Variants in PRKCA observed in about 807,000 individuals in gnomAD.
The protein encoded by PRKCA is protein kinase C alpha, also known as protein kinase C alpha type.
A neutral mutation model predicts 87.0 loss-of-function variants in PRKCA; 27 were observed. The observed-to-expected ratio is 0.31, with a 90% CI of 0.23 to 0.43. PRKCA has a LOEUF of 0.43. Ranked by LOEUF, PRKCA falls within the 20% of genes least tolerant of loss-of-function variation. The pLI is 1.00. For synonymous variants in PRKCA, 329 were observed against 311.1 expected, an observed-to-expected ratio of 1.06 and a Z score of -0.61; for missense variants, 518 against 852.3, an observed-to-expected ratio of 0.61 and a Z score of 4.88.
chr17:66,361,050 A>G (rs939186363), intron 2 of PRKCA, among the ~76,000 whole-genome samples: 1 of 151,908 alleles, frequency 6.6e-6, no homozygotes, highest in Non-Finnish European at 1.5e-5. Context: ...ATCTGTGACC[A>G]TATTGTTTTC....
chr17:66,353,156 T>C (rs745353347), intron 2 of PRKCA, among the ~76,000 whole-genome samples: 7 of 152,210 alleles, frequency 4.6e-5, no homozygotes, highest in Admixed American at 6.5e-5. Flanking sequence ...TAAAGTCCCC[T>C]GGTTAAAGGG....
intron 3 of PRKCA, among the ~76,000 whole-genome samples, chr17:66,609,316 G>A (rs961417327): frequency 3.9e-5 from 6 of 152,252 alleles, no homozygotes; most frequent in South Asian, 4.1e-4. Context: ...CTACTTTGCC[G>A]CTAGTTAGTG....
chr17:66,350,586 C>A (rs773936147), intron 2 of PRKCA, among the ~76,000 whole-genome samples: 2 of 151,882 alleles, frequency 1.3e-5, no homozygotes, highest in African/African-American at 4.8e-5. Flanking sequence ...GCAGTGGCAC[C>A]GTCGTGGCTC....
chr17:66,349,330 C>G (rs1230435910), intron 2 of PRKCA, among the ~76,000 whole-genome samples: 2 of 152,060 alleles, frequency 1.3e-5, no homozygotes, highest in East Asian at 3.9e-4. Flanking sequence ...GCTGTTCTCC[C>G]CTGAGGATGA....
intron 5 of PRKCA, among the ~76,000 whole-genome samples, chr17:66,645,791 G>A (rs1011236978): frequency 1.1e-4 from 17 of 152,060 alleles, no homozygotes; most frequent in African/African-American, 3.4e-4. Context: ...AGCATGGCCC[G>A]TGTACTCTCC....
intron 2 of PRKCA, among the ~76,000 whole-genome samples, chr17:66,369,762 A>C (rs549320107): frequency 5.3e-5 from 8 of 152,274 alleles, no homozygotes; most frequent in Non-Finnish European, 7.4e-5. Context: ...TCCATCCTCC[A>C]TCTGAGTTGG....
At chr17:66,794,705 C>T (rs1047179427) in intron 16 of PRKCA, among the ~76,000 whole-genome samples, 2 of 150,606 alleles carry the variant, frequency 1.3e-5, no homozygotes, top group East Asian at 3.9e-4. Flanking sequence ...ACTGCAACCT[C>T]CACCTCCCAG....
intron 3 of PRKCA, among the ~76,000 whole-genome samples, chr17:66,496,650 CT>C (rs1916490126): frequency 6.6e-6 from 1 of 151,530 alleles, no homozygotes; most frequent in African/African-American, 2.4e-5. Flanking sequence ...CTCCCCACCC[CT>C]CCCGTCCTCT....
chr17:66,800,629 C>A (rs981844061), intron 16 of PRKCA, among the ~76,000 whole-genome samples: 4 of 152,224 alleles, frequency 2.6e-5, no homozygotes, highest in Non-Finnish European at 4.4e-5. Context: ...AAAGCCATGG[C>A]TTTTGGAAAC....
At chr17:66,450,533 G>T (rs1434920570) in intron 2 of PRKCA, among the ~76,000 whole-genome samples, 1 of 152,182 alleles carries the variant, frequency 6.6e-6, no homozygotes, top group Non-Finnish European at 1.5e-5. Context: ...TGGGATGCAG[G>T]TGGAAAGAGA....
chr17:66,791,832 G>C (rs183847031), intron 16 of PRKCA, among the ~76,000 whole-genome samples: 3 of 152,194 alleles, frequency 2.0e-5, no homozygotes, highest in African/African-American at 7.2e-5. Context: ...GAGAACTAGC[G>C]GCGTAGAAAA....
chr17:66,547,255 C>T (rs1968170557), intron 3 of PRKCA, among the ~76,000 whole-genome samples: 2 of 152,180 alleles, frequency 1.3e-5, no homozygotes, highest in Non-Finnish European at 2.9e-5. Flanking sequence ...CCTTTCAAAA[C>T]CAAGACAAGT....
At chr17:66,638,050 G>C (rs898915393) in intron 3 of PRKCA, among the ~76,000 whole-genome samples, 1 of 151,962 alleles carries the variant, frequency 6.6e-6, no homozygotes, top group African/African-American at 2.4e-5. Flanking sequence ...AAATAAAGGA[G>C]CATGTCTGTT....
At chr17:66,732,914 A>G in intron 9 of PRKCA, 89 bp downstream of exon 9, 4 of 1,464,200 alleles carry the variant, frequency 2.7e-6, no homozygotes, top group Non-Finnish European at 3.7e-6. Context: ...AGAATAGCAC[A>G]TTAGATTTCC....
chr17:66,534,391 G>A (rs1967689172), intron 3 of PRKCA, among the ~76,000 whole-genome samples: 1 of 152,086 alleles, frequency 6.6e-6, no homozygotes, highest in Non-Finnish European at 1.5e-5. Flanking sequence ...GATTGGGCTG[G>A]GTGTGGTAGC....
At chr17:66,658,451 C>A (rs1971796881) in intron 5 of PRKCA, among the ~76,000 whole-genome samples, 1 of 151,986 alleles carries the variant, frequency 6.6e-6, no homozygotes, top group East Asian at 1.9e-4. Context: ...GGCGCCATTG[C>A]ACTCCAGCCT....
chr17:66,453,122 A>G (rs540244019), intron 2 of PRKCA, among the ~76,000 whole-genome samples: 1 of 152,216 alleles, frequency 6.6e-6, no homozygotes, highest in South Asian at 2.1e-4. Context: ...CCCACTGGCT[A>G]GGTGGTCACG....
chr17:66,656,136 A>C (rs1971729095), intron 5 of PRKCA, among the ~76,000 whole-genome samples: 1 of 152,194 alleles, frequency 6.6e-6, no homozygotes, highest in South Asian at 2.1e-4. Context: ...AACAAGGGGC[A>C]AAGAGTTGCC....
At chr17:66,375,617 A>G (rs532825563) in intron 2 of PRKCA, among the ~76,000 whole-genome samples, 40 of 152,246 alleles carry the variant, frequency 2.6e-4, no homozygotes, top group African/African-American at 9.6e-4. Context: ...GCCTTGTGTT[A>G]TTAGAGTTCT....
Sources: allele counts gnomAD v4.1 joint callset (sites outside exome capture counted in the v4.1 genomes callset), GRCh38; gene constraint gnomAD v4.1.1; transcripts MANE v1.5; gene names NCBI Gene and HGNC (gene_info 2026-07-23, HGNC 2026-07-21).